The following STIM2 variants were observed in gnomAD, a reference collection of about 807,000 sequenced individuals.
STIM2 encodes stromal interaction molecule 2.
STIM2 carries 31 observed loss-of-function variants against 85.8 expected under a neutral mutation model. The observed-to-expected ratio is 0.36, with a 90% CI of 0.27 to 0.49. The LOEUF (loss-of-function observed/expected upper bound fraction) is 0.49, where lower values mean the gene tolerates loss of function less well. Ranked by LOEUF, STIM2 falls within the 20% of genes least tolerant of loss-of-function variation. The pLI is 0.98. For missense variants in STIM2, 841 were observed against 927.6 expected (o/e 0.91, Z 1.21); for synonymous variants, 356 against 331.1 (o/e 1.08, Z -0.82).
chr4:26,940,024 C>T (rs774463194), intron 2 of STIM2, among the ~76,000 whole-genome samples: 2 of 152,128 alleles, frequency 1.3e-5, no homozygotes, highest in African/African-American at 4.8e-5. Context: ...TGCGTAGAGT[C>T]GTTAAGACGA....
chr4:26,907,651 A>G (rs1386824991), intron 1 of STIM2, among the ~76,000 whole-genome samples: 4 of 152,202 alleles, frequency 2.6e-5, no homozygotes, highest in African/African-American at 4.8e-5. Context: ...GTTGGAAGCT[A>G]AATTATCGTA....
At chr4:26,949,139 A>G (rs952315149) in intron 2 of STIM2, among the ~76,000 whole-genome samples, 2 of 152,100 alleles carry the variant, frequency 1.3e-5, no homozygotes, top group Non-Finnish European at 2.9e-5. Flanking sequence ...TCCTTATCCT[A>G]TTACATAGTA....
intron 1 of STIM2, among the ~76,000 whole-genome samples, chr4:26,911,850 T>G (rs80355769): frequency 0.025 from 3,880 of 152,306 alleles, 167 homozygotes; most frequent in African/African-American, 0.089. Context: ...TGCATTACTC[T>G]TTTTGGAGAA....
chr4:26,919,128 T>G (rs184462527), intron 1 of STIM2, among the ~76,000 whole-genome samples: 1,960 of 147,878 alleles, frequency 0.013, 16 homozygotes, highest in Non-Finnish European at 0.021. Context: ...TTTTTAGTGT[T>G]TTTTTTTTTT....
chr4:27,007,316 ATTTTTT>A (rs370537485), intron 7 of STIM2, among the ~76,000 whole-genome samples: 1 of 140,080 alleles, frequency 7.1e-6, no homozygotes. Flanking sequence ...CTCAGCCTTC[ATTTTTT>A]TTTTTTTTTT....
At chr4:26,865,838 A>G (rs1196262076) in intron 1 of STIM2, among the ~76,000 whole-genome samples, 2 of 152,138 alleles carry the variant, frequency 1.3e-5, no homozygotes, top group African/African-American at 4.8e-5. Context: ...AAAAAAAAGA[A>G]TAAGATGTAG....
At position 27,010,765 on chromosome 4, in the gene STIM2, A is replaced by C. The variant is rs1308538267; in HGVS notation, c.1489+1763A>C. ...CCTGTAGTATGTTAAGAACAAAGTA[A>C]AAGGTTGTAACAATATACACAGAAT... On this transcript the variant is annotated intron_variant, in intron 10 of 11. Coordinates refer to ENST00000467087, the MANE Select transcript of STIM2 (RefSeq NM_020860.4). Among the ~76,000 whole-genome samples the C allele has an allele frequency of 2.0e-5, 3 of 152,332 alleles. No homozygotes were observed. In the East Asian group the frequency reaches 5.8e-4, roughly 29 times the overall value.
chr4:26,908,648 T>C (rs897027866), intron 1 of STIM2, among the ~76,000 whole-genome samples: 3 of 152,162 alleles, frequency 2.0e-5, no homozygotes, highest in Non-Finnish European at 4.4e-5. Context: ...CACGCCCGGC[T>C]CATTTTTGTA....
chr4:26,875,604 A>G (rs1722788544), intron 1 of STIM2, among the ~76,000 whole-genome samples: 1 of 152,186 alleles, frequency 6.6e-6, no homozygotes, highest in Non-Finnish European at 1.5e-5. Flanking sequence ...TAGGAATGAA[A>G]AGATAATAAG....
In STIM2 at chr4:27,010,317, G is replaced by A. The variant is rs536738017; in HGVS notation, c.1489+1315G>A. Among the ~76,000 whole-genome samples, 37 of 152,100 alleles carry A rather than the reference G, an allele frequency of 2.4e-4. No individual in the cohort carries two copies. The South Asian group carries it at 5.4e-3, about 22-fold the overall frequency. On this transcript the variant is annotated intron_variant, in intron 10 of 11. Coordinates refer to ENST00000467087, the MANE Select transcript of STIM2 (RefSeq NM_020860.4). Reference sequence around the variant, plus strand: ...AAATTAGCTGGGCGTGGTGGTGTGCGCCTGTAATCTCAGCTACTCGGGAGG... The same window carrying A: ...AAATTAGCTGGGCGTGGTGGTGTGCACCTGTAATCTCAGCTACTCGGGAGG...
intron 2 of STIM2, among the ~76,000 whole-genome samples, chr4:26,941,326 A>G (rs1031737796): frequency 6.6e-6 from 1 of 152,078 alleles, no homozygotes; most frequent in African/African-American, 2.4e-5. Flanking sequence ...TTCCAAGCCA[A>G]AGTAATCTCT....
rs1185498906 is a variant in STIM2, at chr4:27,025,346, T to C, written c.*2350T>C. 4 of 150,818 alleles carry C rather than the reference T, an allele frequency of 2.7e-5. No individual in the cohort carries two copies. Among genetic ancestry groups the C allele is most frequent in the Admixed American group, 2.0e-4 (3 of 15,074 alleles). 9.3% of individuals were successfully genotyped at this position (150,818 alleles called of 1,614,324 possible). ...ACTTTAACATTTTAAAATTATGGTGTTTTCCTGATTTTAAAAGCAATATTT... is the reference window on the plus strand; with the variant it reads ...ACTTTAACATTTTAAAATTATGGTGCTTTCCTGATTTTAAAAGCAATATTT... On this transcript the variant is annotated 3_prime_UTR_variant, in exon 12 of 12. Coordinates refer to ENST00000467087, the MANE Select transcript of STIM2 (RefSeq NM_020860.4).
chr4:26,863,407 G>A (rs1472522864), intron 1 of STIM2, among the ~76,000 whole-genome samples: 1 of 152,092 alleles, frequency 6.6e-6, no homozygotes, highest in African/African-American at 2.4e-5. Flanking sequence ...ATTTTAATAA[G>A]TTTATGTAAA....
chr4:27,022,908 G>A lies in STIM2; in HGVS notation c.2153G>A (p.Ser718Asn). 2.5e-6 allele frequency: 4 copies of A among 1,614,158 alleles called. No individual in the cohort carries two copies. Among genetic ancestry groups the A allele is most frequent in the Non-Finnish European group, 3.4e-6 (4 of 1,180,016 alleles). The change falls in exon 12 of 12, where the codon AGC (serine) becomes AAC (asparagine). Residue 718 changes from serine to asparagine, a missense_variant. Physicochemically the swap from Ser to Asn is conservative, Grantham distance 46. This residue lies in a region of STIM2 where 293 missense variants were observed against 284.5 expected (regional missense o/e 1.03). Transcript: ENST00000467087. ...GAAGCCCCAAGTGTTGCCAGAATAAGCAGCATCCCACATGACCTTTGTCAT... is the reference window on the plus strand; with the variant it reads ...GAAGCCCCAAGTGTTGCCAGAATAAACAGCATCCCACATGACCTTTGTCAT...
chr4:27,002,571 T>C (rs1188318806), intron 6 of STIM2, among the ~76,000 whole-genome samples, 177 bp downstream of exon 6: 1 of 152,232 alleles, frequency 6.6e-6, no homozygotes, highest in East Asian at 1.9e-4. Flanking sequence ...TTATTATAAA[T>C]GTGTATACTT....
At chr4:26,872,966 T>G (rs1722680245) in intron 1 of STIM2, among the ~76,000 whole-genome samples, 1 of 152,148 alleles carries the variant, frequency 6.6e-6, no homozygotes, top group African/African-American at 2.4e-5. Context: ...GAATTGGAAT[T>G]ATTTGAAGAA....
intron 1 of STIM2, among the ~76,000 whole-genome samples, chr4:26,912,061 T>A (rs1468164037): frequency 6.6e-6 from 1 of 152,214 alleles, no homozygotes; most frequent in Non-Finnish European, 1.5e-5. Flanking sequence ...CTCGAGAATT[T>A]ACTCTGAAAA....
At chr4:26,990,690 C>T (rs1246662748) in intron 3 of STIM2, among the ~76,000 whole-genome samples, 1 of 152,108 alleles carries the variant, frequency 6.6e-6, no homozygotes, top group African/African-American at 2.4e-5. Context: ...AACTATCCTT[C>T]TGACAAGAGA....
At chr4:26,952,361 C>T (rs1333533335) in intron 2 of STIM2, among the ~76,000 whole-genome samples, 2 of 152,064 alleles carry the variant, frequency 1.3e-5, no homozygotes, top group Non-Finnish European at 2.9e-5. Context: ...TGTAGTACCT[C>T]ACACTGTCTT....
Sources: gnomAD v4.1 joint callset for allele counts (sites outside exome capture counted in the v4.1 genomes callset) on GRCh38, gnomAD v4.1.1 for gene constraint, gnomAD v4.1.1 regional missense constraint, MANE v1.5 for transcripts, NCBI Gene and HGNC (gene_info 2026-07-23, HGNC 2026-07-21) for gene names.